Variants in ALG13 observed in about 807,000 individuals in gnomAD.
ALG13 encodes the protein UDP-N-acetylglucosamine transferase subunit ALG13.
In ALG13, 11 loss-of-function variants were observed where a neutral mutation model predicts 87.8. That is an observed-to-expected ratio of 0.13 (90% CI 0.08 to 0.21). The LOEUF is 0.21. Among genes scored for constraint, ALG13 ranks in the 10% least tolerant of loss-of-function variants. ALG13 has a pLI of 1.00. For missense variants in ALG13, 756 were observed against 866.1 expected (o/e 0.87, Z 1.60); for synonymous variants, 320 against 306.3 (o/e 1.04, Z -0.47).
chrX:111,750,619 A>AGTATT (rs201912850), intron 24 of ALG13, among the ~76,000 whole-genome samples: 2 of 110,033 alleles, frequency 1.8e-5, no homozygotes, highest in African/African-American at 6.6e-5. Flanking sequence ...TTTTTTTAGC[A>AGTATT]GTATTGTATT....
At chrX:111,737,803 C>T in intron 23 of ALG13, among the ~76,000 whole-genome samples, 1 of 112,464 alleles carries the variant, frequency 8.9e-6, no homozygotes, top group Non-Finnish European at 1.9e-5. Context: ...GCATGAGGCA[C>T]ATAGTAGAAG....
chrX:111,726,424 G>A (rs7066038), intron 15 of ALG13, among the ~76,000 whole-genome samples: 8,214 of 106,479 alleles, frequency 0.077, 862 homozygotes, highest in African/African-American at 0.27. Context: ...AGTAGAGACG[G>A]TTTCACCATG....
chrX:111,697,494 T>A (rs1324643937), intron 3 of ALG13, among the ~76,000 whole-genome samples: 1 of 111,906 alleles, frequency 8.9e-6, no homozygotes, highest in Non-Finnish European at 1.9e-5. Flanking sequence ...CAAGAGGCAA[T>A]CTTTTAACAA....
At chrX:111,735,261 C>T (rs1308804406) in intron 22 of ALG13, 139 bp downstream of exon 22, 2 of 428,437 alleles carry the variant, frequency 4.7e-6, no homozygotes, top group Non-Finnish European at 8.1e-6. Flanking sequence ...TGGTGTCTGA[C>T]ACAGTGATTA....
chrX:111,711,865 C>T, intron 6 of ALG13, 140 bp downstream of exon 6: 1 of 567,743 alleles, frequency 1.8e-6, no homozygotes, highest in Non-Finnish European at 2.7e-6. Context: ...ATAGTTCTCA[C>T]ATAAGTTTAG....
Position 111,744,774 on chromosome X carries a change from T to A in ALG13, c.2802T>A (p.Pro934=), listed in dbSNP as rs865879266. 1.5e-4 allele frequency: 101 copies of A among 683,998 alleles called. No individual in the cohort carries two copies. The highest frequency in any genetic ancestry group is 3.4e-4 in the African/African-American group (10 of 29,112). 56.4% of individuals were successfully genotyped at this position (683,998 alleles called of 1,213,427 possible). Residue 934 remains proline, a synonymous_variant, in exon 24 of 27, where the codon CCT becomes CCA. Transcript: ENST00000394780. The part of the protein sequence containing the change: ...PPPPPPPPPP[P]PPPPPPPPPP... ...CACCACCACCACCACCACCACCTCC[T>A]CCTCCTCCTCCTCCTCCTCCTCCTC...
At chrX:111,748,935 T>C (rs1204942515) in intron 24 of ALG13, among the ~76,000 whole-genome samples, 1 of 110,094 alleles carries the variant, frequency 9.1e-6, no homozygotes. Flanking sequence ...ATACAAAAAT[T>C]AGCTGGGAGA....
intron 24 of ALG13, among the ~76,000 whole-genome samples, chrX:111,751,843 T>C (rs191992413): frequency 1.7e-4 from 19 of 111,876 alleles, no homozygotes; most frequent in Middle Eastern, 4.7e-3. Context: ...AATAAAAATA[T>C]GTGTGGATCT....
chrX:111,754,358 C>T (rs746908208), intron 25 of ALG13, among the ~76,000 whole-genome samples: 113 of 111,401 alleles, frequency 1.0e-3, no homozygotes, highest in Middle Eastern at 9.3e-3. Context: ...CTTTGAAAAC[C>T]GGTACAAGAC....
At chrX:111,745,412 T>C (rs967130629) in intron 24 of ALG13, among the ~76,000 whole-genome samples, 14 of 111,393 alleles carry the variant, frequency 1.3e-4, no homozygotes, top group African/African-American at 4.6e-4. Flanking sequence ...TAGTTTTTCA[T>C]TGGAAGTTCT....
chrX:111,715,047 T>A (rs185855244), intron 8 of ALG13, among the ~76,000 whole-genome samples: 1 of 112,040 alleles, frequency 8.9e-6, no homozygotes, highest in Non-Finnish European at 1.9e-5. Context: ...CAGTAAACAT[T>A]CATGTACCCA....
At chrX:111,698,777 G>A (rs1937324809) in intron 3 of ALG13, among the ~76,000 whole-genome samples, 1 of 111,574 alleles carries the variant, frequency 9.0e-6, no homozygotes, top group Non-Finnish European at 1.9e-5. Context: ...GGACACTTAG[G>A]TTGTTTCCTT....
intron 3 of ALG13, chrX:111,688,931 G>C: frequency 1.3e-6 from 1 of 745,812 alleles, no homozygotes; most frequent in Non-Finnish European, 1.6e-6. Context: ...ACAATGTTTA[G>C]ATATAGTTTA....
chrX:111,682,380 G>T (rs1933665750), intron 2 of ALG13, 86 bp downstream of exon 2: 2 of 776,655 alleles, frequency 2.6e-6, no homozygotes, highest in Non-Finnish European at 1.8e-6. Context: ...ACATGTGCAG[G>T]ATGTGCGGGC....
intron 12 of ALG13, among the ~76,000 whole-genome samples, chrX:111,722,459 G>A (rs1201254020): frequency 1.8e-5 from 2 of 112,024 alleles, no homozygotes; most frequent in African/African-American, 3.2e-5. Flanking sequence ...GGGAAACACA[G>A]TAAGTTGTTA....
intron 3 of ALG13, chrX:111,689,522 C>T (rs1299417278): frequency 2.7e-6 from 2 of 753,233 alleles, no homozygotes; most frequent in Non-Finnish European, 1.6e-6. Flanking sequence ...TTTCATTTAG[C>T]AGAGGTTTAA....
At chrX:111,697,187 A>C (rs1030296379) in intron 3 of ALG13, among the ~76,000 whole-genome samples, 1 of 111,279 alleles carries the variant, frequency 9.0e-6, no homozygotes, top group African/African-American at 3.3e-5. Flanking sequence ...TTAATAGGTG[A>C]TCTATGGAGG....
At chrX:111,694,204 C>T (rs576208147) in intron 3 of ALG13, among the ~76,000 whole-genome samples, 12 of 109,681 alleles carry the variant, frequency 1.1e-4, no homozygotes, top group African/African-American at 3.6e-4. Flanking sequence ...CCACCATGCC[C>T]AGCTAATTTT....
At position 111,688,582 on chromosome X, in the gene ALG13, C is replaced by CATAT. The variant is rs1406418665; in HGVS notation, c.383+3482_383+3483insTATA. 4.0e-6 allele frequency: 3 copies of CATAT among 746,831 alleles called. No homozygotes were observed. The African/African-American group carries it at 7.1e-5, about 18-fold the overall frequency. 61.5% of individuals were successfully genotyped at this position (746,831 alleles called of 1,213,427 possible). On this transcript the variant is annotated intron_variant, in intron 3 of 26. Transcript: ENST00000394780. ...ATATATTCACTTTTTTTTTCTAAAA[C>CATAT]ATACAAAGTGATAAAATAATCGTGC...
Sources: gnomAD v4.1 joint callset for allele counts (sites outside exome capture counted in the v4.1 genomes callset) on GRCh38, gnomAD v4.1.1 for gene constraint, MANE v1.5 for transcripts, NCBI Gene and HGNC (gene_info 2026-07-23, HGNC 2026-07-21) for gene names.